NALF1: variants seen among roughly 807,000 people sequenced by gnomAD.
The protein encoded by NALF1 is NALCN channel auxiliary factor 1, also known as family with sequence similarity 155 member A.
A neutral mutation model predicts 48.4 loss-of-function variants in NALF1; 3 were observed. The observed-to-expected ratio is 0.06, with a 90% CI of 0.03 to 0.16. The LOEUF is 0.16. NALF1 is among the 10% of genes least tolerant of loss of function. The pLI is 1.00. For synonymous variants in NALF1, 262 were observed against 245.7 expected (o/e 1.07, Z -0.62); for missense variants, 526 against 571.5 (o/e 0.92, Z 0.81).
intron 1 of NALF1, among the ~76,000 whole-genome samples, chr13:107,358,177 T>C (rs1214955073): frequency 6.6e-6 from 1 of 150,722 alleles, no homozygotes; most frequent in Non-Finnish European, 1.5e-5. Context: ...TATGTGTGTG[T>C]GTGTGTGTGT....
At chr13:107,596,922 A>G (rs1229702607) in intron 1 of NALF1, among the ~76,000 whole-genome samples, 2 of 152,184 alleles carry the variant, frequency 1.3e-5, no homozygotes, top group African/African-American at 4.8e-5. Context: ...GAAAGATATC[A>G]TGCCTGTTAT....
intron 1 of NALF1, among the ~76,000 whole-genome samples, chr13:107,255,362 GA>G (rs1880792087): frequency 6.6e-6 from 1 of 151,990 alleles, no homozygotes; most frequent in Non-Finnish European, 1.5e-5. Context: ...TTCTAATACT[GA>G]AATAACCCCT....
chr13:107,507,643 A>G (rs1424822800), intron 1 of NALF1, among the ~76,000 whole-genome samples: 1 of 145,986 alleles, frequency 6.8e-6, no homozygotes, highest in Admixed American at 6.9e-5. Flanking sequence ...CACCCAAGAC[A>G]GTAGGGATTG....
rs1379745735 is a variant in NALF1 at position 107,789,740 on chromosome 13, A to C, written c.915+75942T>G. Among the ~76,000 whole-genome samples the C allele has an allele frequency of 3.9e-5, 6 of 152,162 alleles. No individual in the cohort carries two copies. In the East Asian group the frequency reaches 1.2e-3, roughly 29 times the overall value. ...ATAGCTACAAAGTGGCAAAATCAGA[A>C]CTGGCACCCAGGTCTCCCAGCCGAA... On this transcript the variant is annotated intron_variant, in intron 1 of 2. Transcript: ENST00000375915.
intron 2 of NALF1, among the ~76,000 whole-genome samples, chr13:107,182,113 T>C (rs1054323927): frequency 6.6e-6 from 1 of 152,210 alleles, no homozygotes; most frequent in Non-Finnish European, 1.5e-5. Context: ...TGAGTGCTTG[T>C]CCCTACTTTC....
chr13:107,638,026 C>T (rs1880032488), intron 1 of NALF1, among the ~76,000 whole-genome samples: 1 of 151,646 alleles, frequency 6.6e-6, no homozygotes, highest in Non-Finnish European at 1.5e-5. Flanking sequence ...CCATACAGTG[C>T]CTTAATGACC....
chr13:107,754,185 A>T (rs1423006490), intron 1 of NALF1, among the ~76,000 whole-genome samples: 1 of 152,178 alleles, frequency 6.6e-6, no homozygotes, highest in Non-Finnish European at 1.5e-5. Context: ...CTTTTAAGTA[A>T]AGTTTATTTT....
intron 1 of NALF1, among the ~76,000 whole-genome samples, chr13:107,684,870 G>A (rs1227803700): frequency 1.3e-5 from 2 of 152,140 alleles, no homozygotes; most frequent in Admixed American, 6.5e-5. Flanking sequence ...AATCCTGAAT[G>A]TTCCTTAACA....
chr13:107,479,653 G>A (rs61965896), intron 1 of NALF1, among the ~76,000 whole-genome samples: 57 of 151,488 alleles, frequency 3.8e-4, no homozygotes, highest in Non-Finnish European at 6.9e-4. Flanking sequence ...AAAAATGTAA[G>A]GAGGAGGAGC....
intron 1 of NALF1, among the ~76,000 whole-genome samples, chr13:107,373,371 G>C (rs1399438586): frequency 6.6e-6 from 1 of 152,170 alleles, no homozygotes; most frequent in African/African-American, 2.4e-5. Context: ...ACCCAAGAAA[G>C]GTGAAAGACC....
chr13:107,393,805 T>C (rs576930277), intron 1 of NALF1, among the ~76,000 whole-genome samples: 1 of 152,280 alleles, frequency 6.6e-6, no homozygotes, highest in African/African-American at 2.4e-5. Context: ...GGACTTATTT[T>C]CACAATAAAA....
intron 1 of NALF1, among the ~76,000 whole-genome samples, chr13:107,486,553 C>T (rs1343428552): frequency 6.6e-6 from 1 of 152,136 alleles, no homozygotes; most frequent in Admixed American, 6.6e-5. Context: ...TAGACGCCCT[C>T]TTACGTTAGT....
intron 1 of NALF1, among the ~76,000 whole-genome samples, chr13:107,415,602 C>T (rs929614733): frequency 3.9e-5 from 6 of 152,090 alleles, no homozygotes; most frequent in Admixed American, 2.6e-4. Context: ...TATGACTTTT[C>T]GCCCAGAATA....
chr13:107,591,129 T>G (rs939992414), intron 1 of NALF1, among the ~76,000 whole-genome samples: 1 of 151,924 alleles, frequency 6.6e-6, no homozygotes, highest in African/African-American at 2.4e-5. Flanking sequence ...AGAGTAACAA[T>G]AGAATTCCCA....
intron 1 of NALF1, among the ~76,000 whole-genome samples, chr13:107,241,089 G>A (rs1316997073): frequency 6.7e-6 from 1 of 149,560 alleles, no homozygotes; most frequent in Non-Finnish European, 1.5e-5. Flanking sequence ...AACTACTCAG[G>A]AGGCTGAGGC....
rs374294739 is a variant in NALF1, at chr13:107,247,514, CT to C, written c.916-36760del. Reference sequence around the variant, plus strand: ...AATATAAAGGCAACTTTTAAAAATCCTTAGCAAAAAGATGTTTAGTGGGAAA... The same window carrying C: ...AATATAAAGGCAACTTTTAAAAATCCTAGCAAAAAGATGTTTAGTGGGAAA... On this transcript the variant is annotated intron_variant, in intron 1 of 2. Coordinates refer to ENST00000375915, the MANE Select transcript of NALF1 (RefSeq NM_001080396.3). Among the ~76,000 whole-genome samples, 380 of 152,226 alleles carry C rather than the reference CT, an allele frequency of 2.5e-3. 1 individual carries two copies. The highest frequency in any genetic ancestry group is 8.5e-3 in the African/African-American group (354 of 41,560).
At chr13:107,299,613 G>A (rs181789202) in intron 1 of NALF1, among the ~76,000 whole-genome samples, 38 of 151,776 alleles carry the variant, frequency 2.5e-4, no homozygotes, top group African/African-American at 8.5e-4. Flanking sequence ...TTGACAAAGA[G>A]CAATTTTATA....
chr13:107,752,278 T>C (rs1367547794), intron 1 of NALF1, among the ~76,000 whole-genome samples: 1 of 152,082 alleles, frequency 6.6e-6, no homozygotes, highest in Non-Finnish European at 1.5e-5. Flanking sequence ...ATCACATGAG[T>C]ATTATGGTTT....
chr13:107,311,286 C>A (rs1349057322), intron 1 of NALF1, among the ~76,000 whole-genome samples: 1 of 152,062 alleles, frequency 6.6e-6, no homozygotes, highest in Admixed American at 6.5e-5. Flanking sequence ...TAAAGATAAA[C>A]ATATTTACCA....
Sources: allele counts gnomAD v4.1 joint callset (sites outside exome capture counted in the v4.1 genomes callset), GRCh38; gene constraint gnomAD v4.1.1; transcripts MANE v1.5; gene names NCBI Gene and HGNC (gene_info 2026-07-23, HGNC 2026-07-21).